The following ARHGEF17 variants were observed in gnomAD, a reference collection of about 807,000 sequenced individuals.
The protein encoded by ARHGEF17 is Rho guanine nucleotide exchange factor 17, also known as 164 kDa Rho-specific guanine-nucleotide exchange factor.
A neutral mutation model predicts 174.0 loss-of-function variants in ARHGEF17; 80 were observed. The observed-to-expected ratio is 0.46, with a 90% CI of 0.38 to 0.55. The LOEUF is 0.55. Among genes scored for constraint, ARHGEF17 ranks in the 20% least tolerant of loss-of-function variants. ARHGEF17 has a pLI of 0.00. For missense variants in ARHGEF17, 2,886 were observed against 2,839.7 expected, an observed-to-expected ratio of 1.02 and a Z score of -0.37; for synonymous variants, 1,311 against 1,189.1, an observed-to-expected ratio of 1.10 and a Z score of -2.11.
At chr11:73,348,144 G>T (rs1465108651) in intron 2 of ARHGEF17, among the ~76,000 whole-genome samples, 1 of 152,160 alleles carries the variant, frequency 6.6e-6, no homozygotes, top group East Asian at 1.9e-4. Flanking sequence ...CAAGCTAGCT[G>T]GGCAGAGTGA....
chr11:73,319,505 G>A (rs1864981425), intron 1 of ARHGEF17, among the ~76,000 whole-genome samples: 1 of 152,198 alleles, frequency 6.6e-6, no homozygotes, highest in African/African-American at 2.4e-5. Flanking sequence ...CACAGGTTCT[G>A]GGGATTAGCA....
Position 73,365,378 on chromosome 11 carries a change from C to A in ARHGEF17, c.5551-12C>A. ...CCTGCCAATGACCCATCTTCTCCCC[C>A]GCCTTCCCCAGCACATGTTTTACGT... On this transcript the variant is annotated splice_polypyrimidine_tract_variant and intron_variant, in intron 18 of 20. Coordinates refer to ENST00000263674, the MANE Select transcript of ARHGEF17 (RefSeq NM_014786.4). This position sits in a 1 kb window ranked among gnomAD's most constrained non-coding sequence, Gnocchi z 4.9. The A allele has an allele frequency of 6.2e-7, 1 of 1,613,610 alleles. No homozygotes were observed. Among genetic ancestry groups the A allele is most frequent in the Non-Finnish European group, 8.5e-7 (1 of 1,179,872 alleles).
rs1864753323 is a variant in ARHGEF17 at position 73,309,158 on chromosome 11, C to T, written c.520C>T (p.Arg174Trp). 6.3e-7 allele frequency: 1 copy of T among 1,589,538 alleles called. No individual in the cohort carries two copies. Among genetic ancestry groups the T allele is most frequent in the Non-Finnish European group, 8.6e-7 (1 of 1,169,118 alleles). Residue 174 changes from arginine (R) to tryptophan (W), a missense_variant, in exon 1 of 21, where the codon CGG becomes TGG. Arg to Trp is a moderately radical substitution (Grantham distance 101). Transcript: ENST00000263674. ...ESRQPPTPPP[R>W]TCFPLAGLRS... ...GCGGCAGCCACCGACGCCACCCCCT[C>T]GGACATGCTTCCCCCTGGCGGGTCT... is the stretch of plus-strand genomic sequence containing the variant.
chr11:73,313,038 T>A (rs1471908515), intron 1 of ARHGEF17, among the ~76,000 whole-genome samples: 1 of 152,172 alleles, frequency 6.6e-6, no homozygotes, highest in Non-Finnish European at 1.5e-5. Context: ...CCCACTGCGC[T>A]CCCTGACTGT....
chr11:73,314,827 C>G (rs959387829), intron 1 of ARHGEF17, among the ~76,000 whole-genome samples: 1 of 152,120 alleles, frequency 6.6e-6, no homozygotes, highest in Admixed American at 6.5e-5. Context: ...GAGCTTCCCC[C>G]GCCCCAGCCT....
intron 1 of ARHGEF17, among the ~76,000 whole-genome samples, chr11:73,331,426 G>GC (rs549658564): frequency 1.2e-3 from 186 of 152,196 alleles, no homozygotes; most frequent in Middle Eastern, 3.4e-3. Context: ...TTCCTCCCTG[G>GC]CCCCAGCGTA....
intron 1 of ARHGEF17, among the ~76,000 whole-genome samples, chr11:73,325,953 C>G (rs916896354): frequency 2.0e-5 from 3 of 152,260 alleles, no homozygotes; most frequent in Non-Finnish European, 2.9e-5. Flanking sequence ...TGACTGAGCC[C>G]TGACTGCACA....
chr11:73,310,225 C>A lies in ARHGEF17; in HGVS notation c.1587C>A (p.Gly529=). Residue 529 remains glycine, a synonymous_variant, in exon 1 of 21, where the codon GGC becomes GGA. Transcript: ENST00000263674. ...PIPIPAPASP[G]TRPTLKDLTA... Reference sequence around the variant, plus strand: ...CCATCCCAGCCCCAGCATCACCTGGCACGCGCCCCACACTCAAGGACTTGA... The same window carrying A: ...CCATCCCAGCCCCAGCATCACCTGGAACGCGCCCCACACTCAAGGACTTGA... The A allele has an allele frequency of 1.9e-6, 3 of 1,613,986 alleles. No individual in the cohort carries two copies. Among genetic ancestry groups the A allele is most frequent in the Non-Finnish European group, 2.5e-6 (3 of 1,180,032 alleles).
At chr11:73,343,462 G>A (rs1209099670) in intron 1 of ARHGEF17, among the ~76,000 whole-genome samples, 1 of 152,128 alleles carries the variant, frequency 6.6e-6, no homozygotes, top group Non-Finnish European at 1.5e-5. Context: ...TGGCTGGCAG[G>A]GCGCTGAGGG....
rs754216768 is a variant in ARHGEF17, at chr11:73,311,337, A to C, written c.2699A>C (p.His900Pro). 2.5e-6 allele frequency: 4 copies of C among 1,613,332 alleles called. No individual in the cohort carries two copies. Residue 900 changes from histidine (H) to proline (P), a missense_variant, in exon 1 of 21, where the codon CAC (histidine) becomes CCC (proline). By Grantham distance (77) the His-to-Pro change is moderately conservative. Coordinates refer to ENST00000263674, the MANE Select transcript of ARHGEF17 (RefSeq NM_014786.4). ...PEALPPPATAHRNFHLDPKLA... is the reference protein window; with the variant it reads ...PEALPPPATAPRNFHLDPKLA... Reference sequence around the variant, plus strand: ...GCTCTGCCTCCCCCTGCCACTGCCCACCGAAACTTTCACCTTGACCCCAAG... The same window carrying C: ...GCTCTGCCTCCCCCTGCCACTGCCCCCCGAAACTTTCACCTTGACCCCAAG...
chr11:73,348,183 C>T (rs1350176844), intron 2 of ARHGEF17, among the ~76,000 whole-genome samples: 1 of 152,134 alleles, frequency 6.6e-6, no homozygotes, highest in Non-Finnish European at 1.5e-5. Flanking sequence ...GAACCTTCAC[C>T]CTATGGAAAC....
chr11:73,359,373 A>G (rs894681077), intron 9 of ARHGEF17, among the ~76,000 whole-genome samples: 6 of 152,200 alleles, frequency 3.9e-5, no homozygotes, highest in Admixed American at 3.3e-4. Flanking sequence ...GTGTTCAGGT[A>G]TGGGATAGGA....
chr11:73,310,996 G>A lies in ARHGEF17; in HGVS notation c.2358G>A (p.Trp786Ter). 1 of 1,614,182 alleles carries A rather than the reference G, an allele frequency of 6.2e-7. No individual in the cohort carries two copies. The change falls in exon 1 of 21, where the codon TGG (tryptophan) becomes TGA (stop). Residue 786 changes from tryptophan (W) to a stop codon, truncating the protein, a stop_gained. Transcript: ENST00000263674. LOFTEE classifies it high-confidence loss of function. ...GCTTGACCAGTGGTCACAGTGACTG[G>A]TCTGTGGGCAGTGAAGAGAGCAAGG... The part of the protein sequence containing the change: ...DEGLTSGHSD[W>*]SVGSEESKGY...
chr11:73,339,063 T>C (rs929921879), intron 1 of ARHGEF17, among the ~76,000 whole-genome samples: 5 of 152,072 alleles, frequency 3.3e-5, no homozygotes, highest in African/African-American at 4.8e-5. Flanking sequence ...TTGACAAAGA[T>C]TTAATAGGGT....
chr11:73,358,666 A>G (rs1865687017), intron 9 of ARHGEF17, among the ~76,000 whole-genome samples: 1 of 149,644 alleles, frequency 6.7e-6, no homozygotes. Context: ...GGGTTTCACC[A>G]TGTTAGCCAG....
intron 2 of ARHGEF17, among the ~76,000 whole-genome samples, chr11:73,349,886 G>C (rs1325731824): frequency 6.6e-6 from 1 of 152,170 alleles, no homozygotes; most frequent in Non-Finnish European, 1.5e-5. Context: ...GGCAGCCCTG[G>C]AGTGTGGGAG....
At chr11:73,332,884 G>A (rs541477572) in intron 1 of ARHGEF17, among the ~76,000 whole-genome samples, 3 of 152,302 alleles carry the variant, frequency 2.0e-5, no homozygotes, top group East Asian at 1.9e-4. Context: ...AGTAAGCAGC[G>A]CAGAGGAATC....
chr11:73,357,154 T>A lies in ARHGEF17; in HGVS notation c.4001+20T>A, dbSNP rs771328748. The A allele has an allele frequency of 2.4e-5, 39 of 1,611,966 alleles. 1 individual carries two copies. Among genetic ancestry groups the A allele is most frequent in the Non-Finnish European group, 3.0e-5 (35 of 1,179,296 alleles). ...GAGCCTGTGAGTGGCTGGGCCGGGG[T>A]TTGGGTGGTGCCAACAGGGGGAGCA... On this transcript the variant is annotated intron_variant, in intron 8 of 20. Transcript: ENST00000263674.
Position 73,309,995 on chromosome 11 carries a change from C to T in ARHGEF17, c.1357C>T (p.Pro453Ser), listed in dbSNP as rs1212125786. The change falls in exon 1 of 21, where the codon CCT (proline) becomes TCT (serine). Residue 453 changes from proline (P) to serine (S), a missense_variant. Physicochemically the swap from Pro to Ser is moderately conservative, Grantham distance 74 (BLOSUM62 -1). Around this residue, in one of 4 missense-constraint regions of ARHGEF17, gnomAD observed 1,728 missense variants for 1,461.2 expected, o/e 1.18. Coordinates refer to ENST00000263674, the MANE Select transcript of ARHGEF17 (RefSeq NM_014786.4). Reference sequence around the variant, plus strand: ...GGCATTGAGGGATGGAGGATTTGAGCCTGAAAAGAGTCGACAGCGGAAGTC... The same window carrying T: ...GGCATTGAGGGATGGAGGATTTGAGTCTGAAAAGAGTCGACAGCGGAAGTC... ...SRALRDGGFE[P>S]EKSRQRKSLS... is the part of the protein sequence containing the mutation. 2 of 1,614,070 alleles carry T rather than the reference C, an allele frequency of 1.2e-6. No homozygotes were observed. Among genetic ancestry groups the T allele is most frequent in the South Asian group, 1.1e-5 (1 of 91,082 alleles).
Sources: gnomAD v4.1 joint callset for allele counts (sites outside exome capture counted in the v4.1 genomes callset) on GRCh38, gnomAD v4.1.1 for gene constraint, gnomAD v4.1.1 regional missense constraint, Gnocchi (gnomAD v3.1) non-coding constraint, MANE v1.5 for transcripts, NCBI Gene and HGNC (gene_info 2026-07-23, HGNC 2026-07-21) for gene names.